The following BMP2K variants were observed in gnomAD, a reference collection of about 807,000 sequenced individuals.
BMP2K encodes BMP2 inducible kinase, also known as BMP-2-inducible protein kinase.
Under a neutral mutation model 116.0 loss-of-function variants are expected in BMP2K, and 74 were observed. That is an observed-to-expected ratio of 0.64 (90% CI 0.53 to 0.77). The LOEUF (loss-of-function observed/expected upper bound fraction) is 0.77. BMP2K is among the 30% of genes least tolerant of loss of function. The pLI is 0.00. For synonymous variants in BMP2K, 486 were observed against 502.5 expected (o/e 0.97, Z 0.44); for missense variants, 1,365 against 1,403.6 (o/e 0.97, Z 0.44).
intron 15 of BMP2K, among the ~76,000 whole-genome samples, chr4:78,895,556 A>G (rs1271524587): frequency 6.6e-6 from 1 of 152,122 alleles, no homozygotes; most frequent in African/African-American, 2.4e-5. Context: ...TGACACCTAA[A>G]AAAAAAAGAG....
intron 14 of BMP2K, among the ~76,000 whole-genome samples, chr4:78,886,528 A>G (rs1278099101): frequency 1.3e-5 from 2 of 152,194 alleles, no homozygotes; most frequent in Non-Finnish European, 2.9e-5. Context: ...GTTTGACCTT[A>G]CATGCCAGTT....
intron 6 of BMP2K, among the ~76,000 whole-genome samples, chr4:78,847,897 C>A (rs1284185320): frequency 1.3e-5 from 2 of 151,524 alleles, no homozygotes; most frequent in African/African-American, 2.4e-5. Context: ...AGTGTTAATT[C>A]ATTTAAATTC....
chr4:78,782,799 T>G (rs973907331), intron 1 of BMP2K, among the ~76,000 whole-genome samples: 1 of 152,248 alleles, frequency 6.6e-6, no homozygotes, highest in African/African-American at 2.4e-5. Context: ...TTTGACAGCT[T>G]TTTTTGGATG....
intron 1 of BMP2K, among the ~76,000 whole-genome samples, chr4:78,801,003 A>G (rs3775517): frequency 1.3e-5 from 2 of 152,152 alleles, no homozygotes; most frequent in East Asian, 3.8e-4. Context: ...TATTTTTAAG[A>G]TGGAGGTAGC....
At position 78,911,942 on chromosome 4, in the gene BMP2K, T is replaced by C. The variant is rs775832274; in HGVS notation, c.3395T>C (p.Val1132Ala). The C allele has an allele frequency of 3.7e-6, 6 of 1,614,014 alleles. No individual in the cohort carries two copies. The highest frequency in any genetic ancestry group is 5.1e-6 in the Non-Finnish European group (6 of 1,179,882). ...DFGAVPFTELVVQSITPHQSQ... is the reference protein window; with the variant it reads ...DFGAVPFTELAVQSITPHQSQ... ...GGTGCCGTGCCCTTTACAGAACTTG[T>C]GGTGCAAAGCATCACTCCACATCAG... Residue 1132 changes from valine (V) to alanine (A), a missense_variant, in exon 16 of 16, where the codon GTG becomes GCG. Around this residue, in one of 3 missense-constraint regions of BMP2K, gnomAD observed 596 missense variants for 623.2 expected, o/e 0.96. Transcript: ENST00000502613.
At chr4:78,867,187 A>C (rs947345476) in intron 10 of BMP2K, among the ~76,000 whole-genome samples, 3 of 152,120 alleles carry the variant, frequency 2.0e-5, no homozygotes, top group African/African-American at 7.2e-5. Flanking sequence ...AAAAAAAGAA[A>C]AAAAGAAAAA....
At chr4:78,863,489 T>C (rs1283302362) in intron 9 of BMP2K, among the ~76,000 whole-genome samples, 3 of 152,120 alleles carry the variant, frequency 2.0e-5, no homozygotes, top group Admixed American at 6.6e-5. Context: ...GTGAAATTTA[T>C]CTGACACATG....
chr4:78,776,466 C>A lies in BMP2K; in HGVS notation c.-78C>A. The stretch of plus-strand genomic sequence containing the variant: ...GGACGGGCCAGGGGCGGCGACCCCT[C>A]GCGGACGCCCGGCTGCGCGCCGGGC... On this transcript the variant is annotated 5_prime_UTR_variant, in exon 1 of 16. Transcript: ENST00000502613. 1.8e-6 allele frequency: 2 copies of A among 1,099,246 alleles called. No homozygotes were observed. Among genetic ancestry groups the A allele is most frequent in the Non-Finnish European group, 2.2e-6 (2 of 903,326 alleles). The allele number at this position is 1,099,246 out of a possible 1,614,324, so 68.1% of individuals were successfully genotyped here.
intron 14 of BMP2K, among the ~76,000 whole-genome samples, chr4:78,883,886 A>G (rs1184531802): frequency 1.3e-5 from 2 of 151,918 alleles, no homozygotes; most frequent in Admixed American, 1.3e-4. Flanking sequence ...ATATAGTGAG[A>G]CCTTGTGTCT....
Position 78,872,655 on chromosome 4 carries a change from A to G in BMP2K, c.1650A>G (p.Leu550=), listed in dbSNP as rs1238280794. The G allele has an allele frequency of 6.2e-7, 1 of 1,614,136 alleles. No individual in the cohort carries two copies. The highest frequency in any genetic ancestry group is 1.1e-5 in the South Asian group (1 of 91,086). ...AGGCTTTCTTTCAACAGCAGATGCT[A>G]GCTCAACATCAGCCGTCTCAACAAC... The part of the protein sequence containing the change: ...YQQAFFQQQM[L]AQHQPSQQQA... The change falls in exon 13 of 16, where the codon CTA becomes CTG. Residue 550 remains leucine (L), a synonymous_variant. Transcript: ENST00000502613.
chr4:78,844,270 G>A (rs1028414635), intron 4 of BMP2K, among the ~76,000 whole-genome samples: 26 of 151,798 alleles, frequency 1.7e-4, no homozygotes, highest in Middle Eastern at 6.8e-3. Flanking sequence ...TAAGCAGATT[G>A]TCCAAGGGTC....
At chr4:78,781,588 G>A (rs911384222) in intron 1 of BMP2K, among the ~76,000 whole-genome samples, 3 of 152,132 alleles carry the variant, frequency 2.0e-5, no homozygotes, top group Admixed American at 2.0e-4. Flanking sequence ...ACTTCTGATT[G>A]ATTAGTGAGC....
chr4:78,890,468 T>C (rs1292397790), intron 15 of BMP2K, among the ~76,000 whole-genome samples: 2 of 152,090 alleles, frequency 1.3e-5, no homozygotes, highest in Admixed American at 1.3e-4. Context: ...GACACAGTTT[T>C]TGGTTGATTC....
intron 1 of BMP2K, among the ~76,000 whole-genome samples, chr4:78,788,375 GA>G (rs1204164324): frequency 6.7e-6 from 1 of 149,906 alleles, no homozygotes. Flanking sequence ...TGGATCTAAG[GA>G]TTTTTTTTTT....
chr4:78,826,244 C>T, intron 2 of BMP2K, 89 bp downstream of exon 2: 2 of 975,782 alleles, frequency 2.0e-6, no homozygotes, highest in East Asian at 2.4e-5. Flanking sequence ...GTGGCACGCC[C>T]AGGCTGGAGC....
chr4:78,891,065 C>G (rs1387316454), intron 15 of BMP2K, among the ~76,000 whole-genome samples: 3 of 152,024 alleles, frequency 2.0e-5, no homozygotes, highest in African/African-American at 7.2e-5. Context: ...ACTTTGCTGC[C>G]TAAAAGTTTG....
chr4:78,916,241 TTC>T lies in BMP2K; in HGVS notation c.*4210_*4211del, dbSNP rs1735059590. 6.6e-6 allele frequency: 1 copy of T among 151,960 alleles called. No homozygotes were observed. The highest frequency in any genetic ancestry group is 2.4e-5 in the African/African-American group (1 of 41,430). 9.4% of individuals were successfully genotyped at this position (151,960 alleles called of 1,614,324 possible). On this transcript the variant is annotated 3_prime_UTR_variant, in exon 16 of 16. Transcript: ENST00000502613. ...ACACTGCTTATTCTTTTTGACTGAA[TTC>T]TGTCCCTGATTCACTGTTTTGTTTG...
intron 1 of BMP2K, among the ~76,000 whole-genome samples, chr4:78,803,297 C>A (rs1275930851): frequency 6.6e-6 from 1 of 151,982 alleles, no homozygotes; most frequent in Non-Finnish European, 1.5e-5. Flanking sequence ...TTTTATAATT[C>A]CCTCATAAAG....
At chr4:78,812,447 T>C (rs1412439928) in intron 1 of BMP2K, among the ~76,000 whole-genome samples, 2 of 152,216 alleles carry the variant, frequency 1.3e-5, no homozygotes, top group African/African-American at 2.4e-5. Context: ...ATTTCACATC[T>C]CCTATTGGAT....
Sources: gnomAD v4.1 joint callset for allele counts (sites outside exome capture counted in the v4.1 genomes callset) on GRCh38, gnomAD v4.1.1 for gene constraint, gnomAD v4.1.1 regional missense constraint, MANE v1.5 for transcripts, NCBI Gene and HGNC (gene_info 2026-07-23, HGNC 2026-07-21) for gene names.